RBMS3: variants seen among roughly 807,000 people sequenced by gnomAD.
The protein encoded by RBMS3 is RNA binding motif single stranded interacting protein 3.
RBMS3 carries 27 observed loss-of-function variants against 66.8 expected under a neutral mutation model. The ratio of observed to expected loss-of-function variants is 0.40; its 90% CI spans 0.30 to 0.56. RBMS3 has a LOEUF of 0.56. Ranked by LOEUF, RBMS3 falls within the 20% of genes least tolerant of loss-of-function variation. The pLI, the probability that RBMS3 is intolerant of heterozygous loss-of-function variation, is 0.40. For missense variants in RBMS3, 513 were observed against 549.5 expected (o/e 0.93, Z 0.66); for synonymous variants, 188 against 183.0 (o/e 1.03, Z -0.22).
intron 5 of RBMS3, among the ~76,000 whole-genome samples, chr3:29,757,725 A>G (rs1458800504): frequency 6.6e-6 from 1 of 152,222 alleles, no homozygotes; most frequent in African/African-American, 2.4e-5. Flanking sequence ...CCATAATGAT[A>G]ATATAGATTT....
At chr3:29,731,699 T>C (rs2054144041) in intron 4 of RBMS3, among the ~76,000 whole-genome samples, 1 of 152,122 alleles carries the variant, frequency 6.6e-6, no homozygotes, top group South Asian at 2.1e-4. Context: ...AGTGGGAAGT[T>C]CAGAGCTGAT....
At chr3:29,356,478 G>A (rs2037229036) in intron 1 of RBMS3, among the ~76,000 whole-genome samples, 2 of 152,140 alleles carry the variant, frequency 1.3e-5, no homozygotes, top group Non-Finnish European at 2.9e-5. Flanking sequence ...TTTTCAGAGA[G>A]CCTAGTTAAC....
chr3:29,525,965 T>G (rs2045077971), intron 3 of RBMS3, among the ~76,000 whole-genome samples: 2 of 152,194 alleles, frequency 1.3e-5, no homozygotes. Context: ...TCAATGAAAT[T>G]TAAGCATGTA....
At chr3:29,822,869 A>C (rs1397371848) in intron 6 of RBMS3, among the ~76,000 whole-genome samples, 1 of 152,118 alleles carries the variant, frequency 6.6e-6, no homozygotes, top group Non-Finnish European at 1.5e-5. Context: ...GTTAGTGGTA[A>C]GAAATATTCT....
chr3:29,374,581 G>C (rs1388015769), intron 1 of RBMS3, among the ~76,000 whole-genome samples: 2 of 152,198 alleles, frequency 1.3e-5, no homozygotes, highest in Non-Finnish European at 2.9e-5. Context: ...CTTTGTGTTA[G>C]ATGATTTTGC....
intron 4 of RBMS3, among the ~76,000 whole-genome samples, chr3:29,689,821 T>G (rs2051895690): frequency 6.8e-6 from 1 of 147,606 alleles, no homozygotes; most frequent in Admixed American, 7.0e-5. Context: ...GGCTCATGCA[T>G]GTAATCCCAA....
chr3:29,291,779 G>C (rs192146428), intron 1 of RBMS3, among the ~76,000 whole-genome samples: 1 of 151,594 alleles, frequency 6.6e-6, no homozygotes, highest in African/African-American at 2.4e-5. Context: ...GAGAATCTAC[G>C]TGCCTTTTAA....
At position 29,663,534 on chromosome 3, in the gene RBMS3, G is replaced by A. The variant is rs151097874; in HGVS notation, c.400-76186G>A. Among the ~76,000 whole-genome samples, 633 of 152,158 alleles carry A rather than the reference G, an allele frequency of 4.2e-3. 4 individuals are homozygous for A. The highest frequency in any genetic ancestry group is 0.014 in the African/African-American group (600 of 41,514). ...AATTTGATAGCCTTCTTCCAAAAGG[G>A]AAAAATAAGCTCCTCTTGAAGCCTG... On this transcript the variant is annotated intron_variant, in intron 4 of 14. Coordinates refer to ENST00000383767, the MANE Select transcript of RBMS3 (RefSeq NM_001003793.3).
chr3:29,763,061 T>C, intron 6 of RBMS3, 72 bp downstream of exon 6: 2 of 1,075,168 alleles, frequency 1.9e-6, no homozygotes, highest in East Asian at 4.9e-5. Context: ...AAGTACATTG[T>C]AAAGCCCTTG....
intron 2 of RBMS3, among the ~76,000 whole-genome samples, chr3:29,470,822 ACAAT>A (rs1388779598): frequency 3.3e-5 from 5 of 151,842 alleles, no homozygotes; most frequent in African/African-American, 7.3e-5. Context: ...GTAACTTATC[ACAAT>A]CAATCAATAA....
At chr3:29,576,202 G>C (rs1320914786) in intron 3 of RBMS3, among the ~76,000 whole-genome samples, 1 of 152,094 alleles carries the variant, frequency 6.6e-6, no homozygotes, top group Non-Finnish European at 1.5e-5. Context: ...ATATTTCTGT[G>C]GTTTTTGCAG....
At chr3:29,998,604 T>C (rs1203413910) in intron 14 of RBMS3, among the ~76,000 whole-genome samples, 1 of 152,028 alleles carries the variant, frequency 6.6e-6, no homozygotes, top group African/African-American at 2.4e-5. Context: ...CCCTCAGAAA[T>C]AATGCCGCAT....
At chr3:29,837,618 G>C (rs1304420251) in intron 6 of RBMS3, among the ~76,000 whole-genome samples, 1 of 130,316 alleles carries the variant, frequency 7.7e-6, no homozygotes, top group Non-Finnish European at 1.6e-5. Context: ...TGGACATAAA[G>C]ATCAAATTAG....
At chr3:29,546,695 G>A (rs1415848046) in intron 3 of RBMS3, among the ~76,000 whole-genome samples, 1 of 152,172 alleles carries the variant, frequency 6.6e-6, no homozygotes, top group Middle Eastern at 3.2e-3. Flanking sequence ...AGTTTTGCTA[G>A]TCTATGATTG....
At chr3:29,858,872 G>A (rs929657258) in intron 6 of RBMS3, among the ~76,000 whole-genome samples, 18 of 152,110 alleles carry the variant, frequency 1.2e-4, no homozygotes, top group East Asian at 3.9e-4. Context: ...TATTTAGGCC[G>A]TAATACAATT....
intron 12 of RBMS3, among the ~76,000 whole-genome samples, chr3:29,960,496 C>T (rs770966008): frequency 6.6e-6 from 1 of 152,192 alleles, no homozygotes; most frequent in Admixed American, 6.5e-5. Flanking sequence ...GACAGTGTCC[C>T]TCTTTTCACA....
chr3:29,655,468 A>T (rs903007712), intron 4 of RBMS3, among the ~76,000 whole-genome samples: 3 of 152,208 alleles, frequency 2.0e-5, no homozygotes, highest in Non-Finnish European at 2.9e-5. Context: ...GTGGTCTCAT[A>T]AGATTATAAT....
intron 1 of RBMS3, among the ~76,000 whole-genome samples, chr3:29,301,857 T>A (rs1304224460): frequency 6.6e-6 from 1 of 151,938 alleles, no homozygotes; most frequent in Non-Finnish European, 1.5e-5. Context: ...GTTTGCATGA[T>A]CTCCTAAGAG....
chr3:29,642,166 G>A (rs2049742547), intron 4 of RBMS3, among the ~76,000 whole-genome samples: 1 of 152,028 alleles, frequency 6.6e-6, no homozygotes, highest in Non-Finnish European at 1.5e-5. Context: ...CCAATGAGTG[G>A]ATTCTGACCC....
Sources: gnomAD v4.1 joint callset for allele counts (sites outside exome capture counted in the v4.1 genomes callset) on GRCh38, gnomAD v4.1.1 for gene constraint, MANE v1.5 for transcripts, NCBI Gene and HGNC (gene_info 2026-07-23, HGNC 2026-07-21) for gene names.